The following ENTPD1 variants were observed in gnomAD, a reference collection of about 807,000 sequenced individuals.
The protein encoded by ENTPD1 is ATP diphosphohydrolase.
Under a neutral mutation model 57.0 loss-of-function variants are expected in ENTPD1, and 33 were observed. That is an observed-to-expected ratio of 0.58 (90% CI 0.44 to 0.77). The LOEUF is 0.77. Ranked by LOEUF, ENTPD1 falls within the 30% of genes least tolerant of loss-of-function variation. ENTPD1 has a pLI of 0.00. For synonymous variants in ENTPD1, 202 were observed against 218.8 expected (o/e 0.92, Z 0.68); for missense variants, 501 against 603.4 (o/e 0.83, Z 1.78).
chr10:95,797,210 T>A (rs1228085857), intron 1 of ENTPD1, among the ~76,000 whole-genome samples: 1 of 152,182 alleles, frequency 6.6e-6, no homozygotes, highest in Non-Finnish European at 1.5e-5. Flanking sequence ...TGATCTTTAC[T>A]TAGCCAATTA....
chr10:95,853,803 G>A (rs1478548043), intron 7 of ENTPD1, among the ~76,000 whole-genome samples: 2 of 152,132 alleles, frequency 1.3e-5, no homozygotes, highest in Non-Finnish European at 2.9e-5. Context: ...TGGTGGATAA[G>A]CTTTTTGATG....
intron 1 of ENTPD1, among the ~76,000 whole-genome samples, chr10:95,794,329 C>T (rs1287423325): frequency 1.3e-5 from 2 of 152,074 alleles, no homozygotes; most frequent in African/African-American, 4.8e-5. Flanking sequence ...ATCATAAGTA[C>T]AGTTGCCATT....
At chr10:95,832,799 G>A (rs891616432) in intron 2 of ENTPD1, among the ~76,000 whole-genome samples, 1 of 152,134 alleles carries the variant, frequency 6.6e-6, no homozygotes, top group East Asian at 1.9e-4. Context: ...GATAGTAACA[G>A]TACCTACTTA....
Position 95,833,245 on chromosome 10 carries a change from G to T in ENTPD1, c.145-6446G>T, listed in dbSNP as rs185388652. Among the ~76,000 whole-genome samples the T allele has an allele frequency of 4.6e-5, 7 of 152,192 alleles. No homozygotes were observed. In the Middle Eastern group the frequency reaches 0.01, roughly 222 times the overall value. ...TGAATATCCTTAATACCACAAAACT[G>T]CACTTAAAAATGGTTACAATGGTAA... On this transcript the variant is annotated intron_variant, in intron 2 of 9. Coordinates refer to ENST00000371205, the MANE Select transcript of ENTPD1 (RefSeq NM_001776.6).
intron 5 of ENTPD1, chr10:95,844,930 A>G (rs944464760): frequency 2.0e-6 from 1 of 490,702 alleles, no homozygotes; most frequent in Non-Finnish European, 3.7e-6. Context: ...GCCTTCTGCT[A>G]TGTGTCTCCC....
chr10:95,847,735 A>T, intron 7 of ENTPD1, 29 bp downstream of exon 7: 1 of 1,614,014 alleles, frequency 6.2e-7, no homozygotes, highest in South Asian at 1.1e-5. Flanking sequence ...GAGGTATAGG[A>T]TGTCTTGTTT....
intron 1 of ENTPD1, among the ~76,000 whole-genome samples, chr10:95,726,612 C>T (rs999512928): frequency 6.6e-6 from 1 of 152,188 alleles, no homozygotes; most frequent in Non-Finnish European, 1.5e-5. Context: ...TCTCTGGCCT[C>T]TGTGGTTTCT....
intron 1 of ENTPD1, among the ~76,000 whole-genome samples, chr10:95,763,698 G>T (rs1353777269): frequency 8.2e-6 from 1 of 121,740 alleles, no homozygotes; most frequent in East Asian, 2.5e-4. Context: ...GAATAAATGT[G>T]TCTTGTTTTA....
At chr10:95,749,935 G>C (rs1260461195) in intron 1 of ENTPD1, among the ~76,000 whole-genome samples, 4 of 152,170 alleles carry the variant, frequency 2.6e-5, no homozygotes, top group Non-Finnish European at 5.9e-5. Context: ...TCTGGGAGGA[G>C]ACCAGTGAGG....
intron 1 of ENTPD1, among the ~76,000 whole-genome samples, chr10:95,778,388 A>G (rs946045890): frequency 6.6e-6 from 1 of 152,198 alleles, no homozygotes; most frequent in African/African-American, 2.4e-5. Context: ...GGAAGTGTCA[A>G]TGGCTAAAAG....
chr10:95,801,504 G>A (rs1366346106), intron 1 of ENTPD1, among the ~76,000 whole-genome samples: 1 of 152,022 alleles, frequency 6.6e-6, no homozygotes, highest in East Asian at 1.9e-4. Flanking sequence ...AGATCAGGTG[G>A]TTGTAGATGT....
At chr10:95,742,513 T>C (rs971256845) in intron 1 of ENTPD1, among the ~76,000 whole-genome samples, 9 of 150,926 alleles carry the variant, frequency 6.0e-5, no homozygotes, top group Admixed American at 4.7e-4. Flanking sequence ...TCTTTTTCTT[T>C]TTCTTCTTCT....
intron 1 of ENTPD1, among the ~76,000 whole-genome samples, chr10:95,820,997 G>A (rs1180347701): frequency 2.6e-5 from 4 of 152,306 alleles, no homozygotes; most frequent in Admixed American, 6.5e-5. Flanking sequence ...GCTTGAGGGA[G>A]TAAAACATTC....
chr10:95,842,111 T>C (rs2098423776), intron 3 of ENTPD1, among the ~76,000 whole-genome samples: 1 of 152,170 alleles, frequency 6.6e-6, no homozygotes, highest in African/African-American at 2.4e-5. Context: ...AATTGCGCCA[T>C]CCAGTGGCAG....
chr10:95,756,074 A>AGACAG, upstream of ENTPD1: 1 of 1,507,216 alleles, frequency 6.6e-7, no homozygotes, highest in Non-Finnish European at 8.8e-7. Context: ...ACAGGGTTTG[A>AGACAG]GGTTCCTTCC....
chr10:95,708,765 C>T (rs1322692994), upstream of ENTPD1, among the ~76,000 whole-genome samples: 3 of 152,172 alleles, frequency 2.0e-5, no homozygotes, highest in Non-Finnish European at 1.5e-5. Context: ...AGCATACTAT[C>T]ATTTACACTA....
chr10:95,870,065 T>C lies in ENTPD1; in HGVS notation c.*3682T>C. 1.0e-6 allele frequency: 1 copy of C among 985,384 alleles called. No individual in the cohort carries two copies. The allele number at this position is 985,384 out of a possible 1,614,324, so 61.0% of individuals were successfully genotyped here. ...GCTATAGATGCTGTAACATTCTTGC[T>C]ATTATTTATTATATATGACATTATT... On this transcript the variant is annotated 3_prime_UTR_variant, in exon 10 of 10. Transcript: ENST00000371205.
intron 1 of ENTPD1, among the ~76,000 whole-genome samples, chr10:95,731,383 TA>T (rs2097988831): frequency 6.6e-6 from 1 of 152,172 alleles, no homozygotes; most frequent in Non-Finnish European, 1.5e-5. Flanking sequence ...CTGTACTCTT[TA>T]ACTGAAGATG....
intron 1 of ENTPD1, among the ~76,000 whole-genome samples, chr10:95,767,314 C>CAAAAAA (rs1160221654): frequency 1.5e-5 from 1 of 68,134 alleles, no homozygotes; most frequent in Non-Finnish European, 2.9e-5. Context: ...GACTCCATCT[C>CAAAAAA]AAAAAAAAAA....
Sources: gnomAD v4.1 joint callset for allele counts (sites outside exome capture counted in the v4.1 genomes callset) on GRCh38, gnomAD v4.1.1 for gene constraint, MANE v1.5 for transcripts, NCBI Gene and HGNC (gene_info 2026-07-23, HGNC 2026-07-21) for gene names.